Variants in DIP2A observed in about 807,000 individuals in gnomAD.
The protein encoded by DIP2A is DIP2 acetate--CoA ligase A, also known as disco-interacting protein 2 homolog A.
Under a neutral mutation model 177.4 loss-of-function variants are expected in DIP2A, and 85 were observed. The ratio of observed to expected loss-of-function variants is 0.48; its 90% confidence interval spans 0.40 to 0.57. DIP2A has a LOEUF of 0.57. Ranked by LOEUF, DIP2A falls within the 20% of genes least tolerant of loss-of-function variation. The pLI is 0.00. For synonymous variants in DIP2A, 886 were observed against 881.8 expected, an observed-to-expected ratio of 1.00 and a Z score of -0.08; for missense variants, 1,791 against 2,100.2, an observed-to-expected ratio of 0.85 and a Z score of 2.88.
chr21:46,523,227 CTTAT>C (rs536264437), intron 8 of DIP2A, among the ~76,000 whole-genome samples: 4 of 149,000 alleles, frequency 2.7e-5, no homozygotes, highest in African/African-American at 5.0e-5. Context: ...TGCCTAGCTT[CTTAT>C]TTATTTATTT....
At chr21:46,530,033 G>A (rs908785626) in intron 9 of DIP2A, among the ~76,000 whole-genome samples, 1 of 152,212 alleles carries the variant, frequency 6.6e-6, no homozygotes, top group Non-Finnish European at 1.5e-5. Context: ...CAAGGGCTCA[G>A]TAGGAGTGTG....
At chr21:46,551,796 C>A (rs1210904630) in intron 24 of DIP2A, 28 bp from the exon 25 acceptor site, 1 of 1,612,856 alleles carries the variant, frequency 6.2e-7, no homozygotes, top group Non-Finnish European at 8.5e-7. Flanking sequence ...CCCGGAGGCG[C>A]CAGTGAGCAA....
chr21:46,563,754 G>A lies in DIP2A; in HGVS notation c.4090-104G>A. On this transcript the variant is annotated intron_variant, in intron 34 of 37. Transcript: ENST00000417564. The surrounding 1 kb of genome is among the most constrained non-coding windows in gnomAD (Gnocchi z 4.3). ...TTCCTGACCTGACATGAGCACATCA[G>A]TCCTGCAGGCCAGCTTCTGAGGGAC... 6.6e-7 allele frequency: 1 copy of A among 1,513,304 alleles called. No individual in the cohort carries two copies. 93.7% of individuals were successfully genotyped at this position (1,513,304 alleles called of 1,614,324 possible).
chr21:46,555,066 G>T, intron 28 of DIP2A, 133 bp downstream of exon 28: 1 of 913,636 alleles, frequency 1.1e-6, no homozygotes, highest in South Asian at 1.6e-5. Flanking sequence ...GACAGCAGGG[G>T]GTGCCCCGGG....
chr21:46,558,339 C>G lies in DIP2A; in HGVS notation c.3915C>G (p.Ala1305=), dbSNP rs746221024. 6.2e-7 allele frequency: 1 copy of G among 1,607,848 alleles called. No homozygotes were observed. The highest frequency in any genetic ancestry group is 1.1e-5 in the South Asian group (1 of 89,704). ...TCTTCAAGGACCTGGGCCTGCCGGC[C>G]CGCGCCGTAAGCACCACGTTCGGGT... ...SKLFKDLGLP[A]RAVSTTFGCR... Residue 1305 remains alanine, a synonymous_variant, in exon 32 of 38, where the codon GCC becomes GCG. Transcript: ENST00000417564.
chr21:46,463,713 TGTGTGTA>T (rs774082028), intron 1 of DIP2A, among the ~76,000 whole-genome samples: 8,873 of 145,758 alleles, frequency 0.061, 358 homozygotes, highest in African/African-American at 0.12. Flanking sequence ...TGTGTGTGTG[TGTGTGTA>T]TATTTTGAGA....
chr21:46,567,988 A>G lies in DIP2A; in HGVS notation c.*366A>G, dbSNP rs1377189748. The G allele has an allele frequency of 5.5e-6, 1 of 182,358 alleles. No individual in the cohort carries two copies. The highest frequency in any genetic ancestry group is 1.1e-5 in the Non-Finnish European group (1 of 88,322). 11.3% of individuals were successfully genotyped at this position (182,358 alleles called of 1,614,324 possible). A position where few individuals can be genotyped will look rare whatever the true frequency, so the allele number is the denominator to read the frequency against. ...AAAAATATAGTTCCTGATTTTTAAA[A>G]TTCAGTTATTTATTCCCACTTCAAA... On this transcript the variant is annotated 3_prime_UTR_variant, in exon 38 of 38. Coordinates refer to ENST00000417564, the MANE Select transcript of DIP2A (RefSeq NM_015151.4).
intron 10 of DIP2A, among the ~76,000 whole-genome samples, chr21:46,533,199 C>T: frequency 6.6e-6 from 1 of 152,288 alleles, no homozygotes; most frequent in Middle Eastern, 3.4e-3. Context: ...ATAGAAATTT[C>T]AATGCCATTA....
intron 17 of DIP2A, among the ~76,000 whole-genome samples, chr21:46,540,657 T>C (rs1326411767): frequency 1.3e-5 from 2 of 152,202 alleles, no homozygotes; most frequent in Non-Finnish European, 1.5e-5. Context: ...TCTTGTATTA[T>C]AGTCATATAT....
At chr21:46,521,318 A>G (rs2058814800) in intron 8 of DIP2A, among the ~76,000 whole-genome samples, 1 of 152,074 alleles carries the variant, frequency 6.6e-6, no homozygotes, top group Non-Finnish European at 1.5e-5. Flanking sequence ...CCTCCTGAGT[A>G]GCTGGGACTA....
intron 18 of DIP2A, among the ~76,000 whole-genome samples, chr21:46,543,533 T>C (rs2059908337): frequency 6.2e-5 from 1 of 16,010 alleles, no homozygotes; most frequent in Non-Finnish European, 1.4e-4. Flanking sequence ...CAGGCGCGCG[T>C]GCAAAGCGCT....
intron 1 of DIP2A, among the ~76,000 whole-genome samples, chr21:46,484,081 C>T (rs12627331): frequency 0.27 from 41,240 of 152,074 alleles, 5,962 homozygotes; most frequent in East Asian, 0.35. Flanking sequence ...TTCCCAAGGA[C>T]ACCCCTTGGC....
intron 1 of DIP2A, among the ~76,000 whole-genome samples, chr21:46,471,563 G>A (rs1472082387): frequency 6.6e-6 from 1 of 152,186 alleles, no homozygotes; most frequent in Non-Finnish European, 1.5e-5. Flanking sequence ...GACATTTTCA[G>A]TATTGCACTG....
chr21:46,575,108 T>C, the DIP2A span, among the ~76,000 whole-genome samples: 1 of 152,050 alleles, frequency 6.6e-6, no homozygotes, highest in Non-Finnish European at 1.5e-5. Context: ...TCCTGGAATG[T>C]AAGGATGATT....
At chr21:46,519,928 G>A (rs1329541009) in intron 8 of DIP2A, among the ~76,000 whole-genome samples, 2 of 127,736 alleles carry the variant, frequency 1.6e-5, no homozygotes, top group East Asian at 5.1e-4. Context: ...AGGCTGGAGT[G>A]CAGTGGTGCG....
chr21:46,503,760 C>G (rs1357980023), intron 5 of DIP2A, among the ~76,000 whole-genome samples: 1 of 150,408 alleles, frequency 6.6e-6, no homozygotes, highest in African/African-American at 2.5e-5. Flanking sequence ...GAGTGTCGCT[C>G]TGTTGCCCAA....
At chr21:46,472,698 A>G (rs1042474537) in intron 1 of DIP2A, among the ~76,000 whole-genome samples, 6 of 152,218 alleles carry the variant, frequency 3.9e-5, no homozygotes, top group African/African-American at 1.2e-4. Flanking sequence ...GGCAGGGGCT[A>G]ACTTACAGCA....
At chr21:46,547,116 T>G in intron 21 of DIP2A, 74 bp downstream of exon 21, 1 of 1,562,348 alleles carries the variant, frequency 6.4e-7, no homozygotes, top group East Asian at 2.3e-5. Flanking sequence ...GTGCAGTAGA[T>G]GGAAAGCCCA....
intron 9 of DIP2A, among the ~76,000 whole-genome samples, chr21:46,530,908 A>G (rs1569048050): frequency 6.6e-6 from 1 of 152,208 alleles, no homozygotes; most frequent in African/African-American, 2.4e-5. Flanking sequence ...ATGATGCTTC[A>G]GACATTCAGA....
Sources: gnomAD v4.1 joint callset for allele counts (sites outside exome capture counted in the v4.1 genomes callset) on GRCh38, gnomAD v4.1.1 for gene constraint, Gnocchi (gnomAD v3.1) non-coding constraint, MANE v1.5 for transcripts, NCBI Gene and HGNC (gene_info 2026-07-23, HGNC 2026-07-21) for gene names.